Variants in LAMA4 observed in about 807,000 individuals in gnomAD.
LAMA4 encodes the protein laminin subunit alpha 4.
In LAMA4, 127 loss-of-function variants were observed where a neutral mutation model predicts 207.1. The observed-to-expected ratio is 0.61, with a 90% CI of 0.53 to 0.71. The LOEUF (loss-of-function observed/expected upper bound fraction) is 0.71. Among genes scored for constraint, LAMA4 ranks in the 30% least tolerant of loss-of-function variants. The probability of loss-of-function intolerance (pLI) is 0.00; values close to 1 mark genes in which losing one functional copy is unlikely to be tolerated. For missense variants in LAMA4, 2,093 were observed against 2,246.5 expected, an observed-to-expected ratio of 0.93 and a Z score of 1.38; for synonymous variants, 761 against 816.0, an observed-to-expected ratio of 0.93 and a Z score of 1.15.
At position 112,148,342 on chromosome 6, in the gene LAMA4, C is replaced by T. The variant is rs782545356; in HGVS notation, c.2174-6G>A. 1 of 1,614,074 alleles carries T rather than the reference C, an allele frequency of 6.2e-7. No homozygotes were observed. The highest frequency in any genetic ancestry group is 1.1e-5 in the South Asian group (1 of 91,084). On this transcript the variant is annotated splice_polypyrimidine_tract_variant and splice_region_variant and intron_variant, in intron 17 of 38. Transcript: ENST00000230538. ...CAGGCGCTGCTGGGCATCCCCTTTA[C>T]ACAGAGCACAGGGTCATTCACTTTG...
At chr6:112,178,365 A>G (rs1782147352) in intron 9 of LAMA4, 133 bp from the exon 10 acceptor site, 1 of 697,550 alleles carries the variant, frequency 1.4e-6, no homozygotes, top group Non-Finnish European at 2.6e-6. Context: ...TCTATAACAC[A>G]TGAAATCATC....
At chr6:112,219,423 C>T (rs1414546563) in intron 2 of LAMA4, 1 of 152,148 alleles carries the variant, frequency 6.6e-6, no homozygotes, top group Non-Finnish European at 1.5e-5. Flanking sequence ...GGAAGCCTTC[C>T]AATCAATTTT....
At chr6:112,238,053 T>G (rs1786065651) in intron 2 of LAMA4, among the ~76,000 whole-genome samples, 1 of 152,248 alleles carries the variant, frequency 6.6e-6, no homozygotes, top group Non-Finnish European at 1.5e-5. Flanking sequence ...TGTGTCTTTT[T>G]ATTTACTCAT....
Position 112,141,508 on chromosome 6 carries a change from A to G in LAMA4, c.2668-5T>C. The G allele has an allele frequency of 6.3e-7, 1 of 1,581,150 alleles. No homozygotes were observed. The highest frequency in any genetic ancestry group is 8.7e-7 in the Non-Finnish European group (1 of 1,150,030). On this transcript the variant is annotated splice_polypyrimidine_tract_variant and splice_region_variant and intron_variant, in intron 20 of 38. Transcript: ENST00000230538. ...ACCCATATACTCTTTTTTGGCCTGAAATATCAAGAAGTAAGAAGTCATTTA... is the reference window on the plus strand; with the variant it reads ...ACCCATATACTCTTTTTTGGCCTGAGATATCAAGAAGTAAGAAGTCATTTA...
intron 16 of LAMA4, among the ~76,000 whole-genome samples, chr6:112,151,531 A>T (rs1478906614): frequency 6.6e-6 from 1 of 152,126 alleles, no homozygotes; most frequent in Non-Finnish European, 1.5e-5. Context: ...TTTATCATTT[A>T]TATATAAATT....
At chr6:112,155,439 A>T in intron 15 of LAMA4, 126 bp downstream of exon 15, 1 of 1,032,654 alleles carries the variant, frequency 9.7e-7, no homozygotes, top group Non-Finnish European at 1.5e-6. Context: ...GTCTTCCCTT[A>T]GTTCCCCTGC....
intron 3 of LAMA4, among the ~76,000 whole-genome samples, chr6:112,214,331 G>T (rs1216681600): frequency 1.3e-5 from 2 of 151,930 alleles, no homozygotes; most frequent in African/African-American, 2.4e-5. Flanking sequence ...TGATCCTCCT[G>T]CCTTGGCCTC....
At position 112,190,931 on chromosome 6, in the gene LAMA4, C is replaced by CT. The variant is rs1352854601; in HGVS notation, c.718+704dup. On this transcript the variant is annotated intron_variant, in intron 6 of 38. Transcript: ENST00000230538. ...TCTTTCTTTCTTTCTTTCTTTCTTTCTTTCTTTCTTTCTTTCCTTTCTTTC... is the reference window on the plus strand; with the variant it reads ...TCTTTCTTTCTTTCTTTCTTTCTTTCTTTTCTTTCTTTCTTTCCTTTCTTTC... Among the ~76,000 whole-genome samples the CT allele has an allele frequency of 3.3e-3, 264 of 79,412 alleles. 5 individuals are homozygous for CT. Among genetic ancestry groups the CT allele is most frequent in the African/African-American group, 0.014 (250 of 18,102 alleles). 52.1% of individuals were successfully genotyped at this position (79,412 alleles called of 152,430 possible).
intron 15 of LAMA4, 41 bp downstream of exon 15, chr6:112,155,524 T>A (rs1780655383): frequency 1.9e-6 from 3 of 1,611,480 alleles, no homozygotes; most frequent in Non-Finnish European, 1.7e-6. Context: ...GAAAAGCCAG[T>A]GGGAAAGGCA....
intron 10 of LAMA4, 78 bp from the exon 11 acceptor site, chr6:112,175,558 TG>T: frequency 7.1e-7 from 1 of 1,414,264 alleles, no homozygotes. Flanking sequence ...GCAAGGGCTG[TG>T]GGCAAAGGGC....
chr6:112,187,640 G>T, intron 7 of LAMA4, 39 bp from the exon 8 acceptor site: 1 of 1,606,004 alleles, frequency 6.2e-7, no homozygotes, highest in Non-Finnish European at 8.5e-7. Context: ...CAAGTCAAAA[G>T]CATGCTAAAG....
chr6:112,141,052 C>T, intron 21 of LAMA4, 130 bp from the exon 22 acceptor site: 1 of 801,946 alleles, frequency 1.2e-6, no homozygotes, highest in East Asian at 2.7e-5. Context: ...TTACAAAATA[C>T]CACAATCAAT....
intron 12 of LAMA4, among the ~76,000 whole-genome samples, chr6:112,168,004 G>A (rs1554340587): frequency 6.6e-6 from 1 of 151,910 alleles, no homozygotes; most frequent in Non-Finnish European, 1.5e-5. Context: ...TCAGGAGATG[G>A]AGACCATCCT....
intron 2 of LAMA4, among the ~76,000 whole-genome samples, chr6:112,233,179 G>A (rs1785674216): frequency 6.6e-6 from 1 of 152,150 alleles, no homozygotes; most frequent in Non-Finnish European, 1.5e-5. Context: ...ATCTTGACTT[G>A]TTCTTCAGAA....
chr6:112,137,975 C>T lies in LAMA4; in HGVS notation c.3282+1145G>A, dbSNP rs76923501. On this transcript the variant is annotated intron_variant, in intron 24 of 38. Coordinates refer to ENST00000230538, the MANE Select transcript of LAMA4 (RefSeq NM_001105206.3). ...AACTTTTTCTCCTTTTTTTTGAGGACGGTTATACTGTGGAGAGATGGTTTT... is the reference window on the plus strand; with the variant it reads ...AACTTTTTCTCCTTTTTTTTGAGGATGGTTATACTGTGGAGAGATGGTTTT... Among the ~76,000 whole-genome samples the T allele has an allele frequency of 4.2e-3, 631 of 151,652 alleles. 7 individuals are homozygous for T. The highest frequency in any genetic ancestry group is 0.012 in the African/African-American group (493 of 41,354).
intron 3 of LAMA4, among the ~76,000 whole-genome samples, chr6:112,215,967 A>C (rs536967974): frequency 1.3e-5 from 2 of 152,244 alleles, no homozygotes; most frequent in Non-Finnish European, 2.9e-5. Context: ...AGGTTCTAAA[A>C]TAGGCTAGGC....
At chr6:112,240,134 A>G (rs1325772159) in intron 2 of LAMA4, among the ~76,000 whole-genome samples, 1 of 152,272 alleles carries the variant, frequency 6.6e-6, no homozygotes, top group Non-Finnish European at 1.5e-5. Context: ...TCATTTGTAA[A>G]GAAACATTTT....
intron 25 of LAMA4, among the ~76,000 whole-genome samples, chr6:112,135,153 G>A (rs1367800172): frequency 6.6e-6 from 1 of 152,054 alleles, no homozygotes; most frequent in Non-Finnish European, 1.5e-5. Context: ...CACTTAACAT[G>A]AGATCTATCC....
At chr6:112,135,113 G>GTC (rs1192840753) in intron 25 of LAMA4, among the ~76,000 whole-genome samples, 2 of 151,962 alleles carry the variant, frequency 1.3e-5, no homozygotes, top group Non-Finnish European at 2.9e-5. Flanking sequence ...TTTGTGGTGT[G>GTC]TGTGTGTGTG....
Sources: allele counts gnomAD v4.1 joint callset (sites outside exome capture counted in the v4.1 genomes callset), GRCh38; gene constraint gnomAD v4.1.1; transcripts MANE v1.5; gene names NCBI Gene and HGNC (gene_info 2026-07-23, HGNC 2026-07-21).